Variants in CACNA2D3 observed in about 807,000 individuals in gnomAD.
CACNA2D3 encodes voltage-dependent calcium channel subunit alpha-2/delta-3.
In CACNA2D3, 60 loss-of-function variants were observed where a neutral mutation model predicts 160.6. The ratio of observed to expected loss-of-function variants is 0.37; its 90% CI spans 0.30 to 0.46. The LOEUF (loss-of-function observed/expected upper bound fraction) is 0.46, where lower values mean the gene tolerates loss of function less well. CACNA2D3 is among the 20% of genes least tolerant of loss of function. The probability of loss-of-function intolerance (pLI) is 1.00; values close to 1 mark genes in which losing one functional copy is unlikely to be tolerated. For missense variants in CACNA2D3, 1,205 were observed against 1,365.0 expected, an observed-to-expected ratio of 0.88 and a Z score of 1.85; for synonymous variants, 558 against 492.9, an observed-to-expected ratio of 1.13 and a Z score of -1.75.
At chr3:54,217,290 C>T (rs1289441104) in intron 2 of CACNA2D3, among the ~76,000 whole-genome samples, 2 of 152,138 alleles carry the variant, frequency 1.3e-5, no homozygotes, top group Non-Finnish European at 2.9e-5. Flanking sequence ...GCCTCCTCCT[C>T]CCTGCAGCCT....
intron 9 of CACNA2D3, among the ~76,000 whole-genome samples, chr3:54,588,170 A>T (rs752544592): frequency 6.6e-6 from 1 of 152,238 alleles, no homozygotes; most frequent in Non-Finnish European, 1.5e-5. Flanking sequence ...TGTCAAATCA[A>T]TCAATGTAAT....
rs191599991 is a variant in CACNA2D3 at position 54,153,629 on chromosome 3, G to C, written c.204+30035G>C. 3.9e-4 allele frequency among the ~76,000 whole-genome samples: 60 copies of C among 152,260 alleles called. No individual in the cohort carries two copies. The East Asian group carries it at 0.011, about 27-fold the overall frequency. ...ATGGCTGATGAAGAGAAACCTTAAA[G>C]GAGCTATGGCCCATCTCATGAACTT... On this transcript the variant is annotated intron_variant, in intron 2 of 37. Coordinates refer to ENST00000474759, the MANE Select transcript of CACNA2D3 (RefSeq NM_018398.3).
At chr3:54,363,078 C>A (rs1270907001) in intron 3 of CACNA2D3, among the ~76,000 whole-genome samples, 1 of 151,934 alleles carries the variant, frequency 6.6e-6, no homozygotes, top group African/African-American at 2.4e-5. Flanking sequence ...GCCTGTAGTC[C>A]CAGCTACTTG....
intron 17 of CACNA2D3, among the ~76,000 whole-genome samples, chr3:54,848,889 C>A (rs962890532): frequency 2.0e-5 from 3 of 152,172 alleles, no homozygotes; most frequent in Non-Finnish European, 1.5e-5. Flanking sequence ...AAGCAAAGGA[C>A]CTGGTGCAGA....
intron 4 of CACNA2D3, among the ~76,000 whole-genome samples, chr3:54,415,238 A>T (rs1478067143): frequency 6.6e-6 from 1 of 152,206 alleles, no homozygotes; most frequent in African/African-American, 2.4e-5. Context: ...ATTCTCTGAC[A>T]GTAAAGGGGA....
chr3:54,780,209 C>T (rs1221602527), intron 13 of CACNA2D3, among the ~76,000 whole-genome samples: 1 of 152,118 alleles, frequency 6.6e-6, no homozygotes, highest in Non-Finnish European at 1.5e-5. Context: ...ATTTGTCTTT[C>T]CTTTTGAAAA....
chr3:54,577,659 C>G (rs1702608172), intron 8 of CACNA2D3, among the ~76,000 whole-genome samples: 1 of 152,280 alleles, frequency 6.6e-6, no homozygotes, highest in African/African-American at 2.4e-5. Flanking sequence ...TGCATTTGTG[C>G]CTGTGCACCT....
intron 4 of CACNA2D3, among the ~76,000 whole-genome samples, chr3:54,463,262 G>T (rs569457198): frequency 6.6e-6 from 1 of 152,200 alleles, no homozygotes; most frequent in East Asian, 1.9e-4. Flanking sequence ...TCTTGGAGTT[G>T]CTCTTCTCGA....
chr3:54,574,444 A>G (rs1047330467), intron 8 of CACNA2D3, among the ~76,000 whole-genome samples: 3 of 152,230 alleles, frequency 2.0e-5, no homozygotes, highest in Admixed American at 6.5e-5. Flanking sequence ...TATCCAGAGT[A>G]TAAACATAAA....
chr3:54,365,442 T>TG (rs1237220106), intron 3 of CACNA2D3, among the ~76,000 whole-genome samples: 2 of 152,172 alleles, frequency 1.3e-5, no homozygotes, highest in African/African-American at 4.8e-5. Context: ...GTGATGGAGA[T>TG]GGGGCACCAC....
At chr3:54,850,831 T>C (rs995000712) in intron 17 of CACNA2D3, among the ~76,000 whole-genome samples, 7 of 152,238 alleles carry the variant, frequency 4.6e-5, no homozygotes, top group African/African-American at 1.7e-4. Context: ...GGAAGGATGC[T>C]GTAGGGTTTT....
chr3:54,126,726 T>G (rs1699601128), intron 2 of CACNA2D3, among the ~76,000 whole-genome samples: 1 of 152,166 alleles, frequency 6.6e-6, no homozygotes, highest in Non-Finnish European at 1.5e-5. Flanking sequence ...TGTGAGAGAA[T>G]AGCAGGCCCC....
chr3:54,830,501 C>A (rs2106744323), intron 14 of CACNA2D3, among the ~76,000 whole-genome samples: 1 of 149,172 alleles, frequency 6.7e-6, no homozygotes, highest in South Asian at 2.1e-4. Flanking sequence ...CAGGCTGTTG[C>A]ACAATGGCAC....
chr3:54,976,680 A>G (rs1278674002), intron 29 of CACNA2D3, among the ~76,000 whole-genome samples: 1 of 152,096 alleles, frequency 6.6e-6, no homozygotes, highest in Non-Finnish European at 1.5e-5. Flanking sequence ...TCTTTGTGTG[A>G]TAGTTTTCAT....
chr3:54,886,972 G>A (rs923789424), intron 23 of CACNA2D3, among the ~76,000 whole-genome samples: 1 of 134,778 alleles, frequency 7.4e-6, no homozygotes, highest in Non-Finnish European at 1.5e-5. Flanking sequence ...GGTGAGGACT[G>A]TCCTGTCCCA....
chr3:54,380,735 A>G (rs1441710043), intron 3 of CACNA2D3, among the ~76,000 whole-genome samples: 1 of 151,672 alleles, frequency 6.6e-6, no homozygotes, highest in Non-Finnish European at 1.5e-5. Flanking sequence ...ACAAAAAACA[A>G]AAAAACAAAA....
At chr3:55,016,071 T>G (rs996548213) in intron 34 of CACNA2D3, among the ~76,000 whole-genome samples, 1 of 152,202 alleles carries the variant, frequency 6.6e-6, no homozygotes, top group Non-Finnish European at 1.5e-5. Flanking sequence ...ATTCTTGTAT[T>G]CAGCAGGCAT....
At chr3:54,717,779 GCA>G (rs1186478291) in intron 11 of CACNA2D3, among the ~76,000 whole-genome samples, 2 of 88,186 alleles carry the variant, frequency 2.3e-5, no homozygotes, top group African/African-American at 7.6e-5. Flanking sequence ...TGGTGTGTGT[GCA>G]TGTGCGTGTG....
chr3:54,850,179 G>C (rs568195005), intron 17 of CACNA2D3, among the ~76,000 whole-genome samples: 1 of 152,144 alleles, frequency 6.6e-6, no homozygotes, highest in Non-Finnish European at 1.5e-5. Context: ...ATTAACTGAT[G>C]TTGGTTCAGC....
Sources: gnomAD v4.1 joint callset for allele counts (sites outside exome capture counted in the v4.1 genomes callset) on GRCh38, gnomAD v4.1.1 for gene constraint, MANE v1.5 for transcripts, NCBI Gene and HGNC (gene_info 2026-07-23, HGNC 2026-07-21) for gene names.